The following WASHC5 variants were observed in gnomAD, a reference collection of about 807,000 sequenced individuals.
WASHC5 encodes WASH complex subunit strumpellin.
A neutral mutation model predicts 150.4 loss-of-function variants in WASHC5; 101 were observed. The observed-to-expected ratio is 0.67, with a 90% CI of 0.57 to 0.79. The LOEUF is 0.79. Ranked by LOEUF, WASHC5 falls within the 30% of genes least tolerant of loss-of-function variation. The pLI is 0.00. For missense variants in WASHC5, 1,195 were observed against 1,396.3 expected (o/e 0.86, Z 2.30); for synonymous variants, 467 against 491.2 (o/e 0.95, Z 0.65).
intron 26 of WASHC5, among the ~76,000 whole-genome samples, chr8:125,034,493 ACT>A (rs924764936): frequency 1.3e-5 from 2 of 151,460 alleles, no homozygotes; most frequent in Non-Finnish European, 2.9e-5. Flanking sequence ...ACAGAGTGAG[ACT>A]CTGTTTCAGA....
intron 27 of WASHC5, among the ~76,000 whole-genome samples, chr8:125,030,719 G>GACGTGTAAT: frequency 7.2e-6 from 1 of 139,428 alleles, no homozygotes; most frequent in African/African-American, 2.6e-5. Context: ...CCAGAATGAA[G>GACGTGTAAT]ACGTGTAATA....
In WASHC5 at chr8:125,044,113, G is replaced by T; in HGVS notation, c.2668-19C>A. ...GGAAATTCTAAAAACAAGAAGGCAC[G>T]GTCAAAGAACCAAACATAATGAATT... On this transcript the variant is annotated intron_variant, in intron 21 of 28. Transcript: ENST00000318410. The T allele has an allele frequency of 6.7e-7, 1 of 1,486,886 alleles. No individual in the cohort carries two copies. The highest frequency in any genetic ancestry group is 9.4e-7 in the Non-Finnish European group (1 of 1,064,908). 92.1% of individuals were successfully genotyped at this position (1,486,886 alleles called of 1,614,324 possible). A position where few individuals can be genotyped will look rare whatever the true frequency, so the allele number is the denominator to read the frequency against.
chr8:125,075,146 C>T, intron 7 of WASHC5, 35 bp from the exon 8 acceptor site: 4 of 1,285,288 alleles, frequency 3.1e-6, no homozygotes, highest in Non-Finnish European at 4.5e-6. Flanking sequence ...TGTTAAATTC[C>T]TACTCACTTC....
Position 125,024,405 on chromosome 8 carries a change from T to C in WASHC5, c.*212A>G. The C allele has an allele frequency of 1.6e-6, 1 of 609,238 alleles. No individual in the cohort carries two copies. Among genetic ancestry groups the C allele is most frequent in the East Asian group, 2.9e-5 (1 of 34,920 alleles). The allele number at this position is 609,238 out of a possible 1,614,324, so 37.7% of individuals were successfully genotyped here. ...AAAAATGTGTTCTGCTTTTATCTGA[T>C]ATAAATTGCATGTAATACCATGATT... is the stretch of plus-strand genomic sequence containing the variant. On this transcript the variant is annotated 3_prime_UTR_variant, in exon 29 of 29. Transcript: ENST00000318410.
chr8:125,051,013 C>T (rs1055776695), intron 17 of WASHC5, among the ~76,000 whole-genome samples: 1 of 152,080 alleles, frequency 6.6e-6, no homozygotes, highest in Admixed American at 6.5e-5. Context: ...ATTAATGGCC[C>T]CTCTTTTTGG....
intron 12 of WASHC5, among the ~76,000 whole-genome samples, chr8:125,060,051 G>A (rs966908213): frequency 2.0e-4 from 31 of 152,116 alleles, no homozygotes; most frequent in Non-Finnish European, 3.7e-4. Flanking sequence ...TGTTTATAGC[G>A]ACCATCCTAA....
chr8:125,033,992 A>AT (rs1394005853), intron 26 of WASHC5, among the ~76,000 whole-genome samples: 1 of 152,224 alleles, frequency 6.6e-6, no homozygotes, highest in African/African-American at 2.4e-5. Context: ...TTCTCAAAAC[A>AT]TATCTAATAA....
At chr8:125,042,717 T>C (rs1261487220) in intron 23 of WASHC5, among the ~76,000 whole-genome samples, 1 of 151,890 alleles carries the variant, frequency 6.6e-6, no homozygotes, top group Admixed American at 6.6e-5. Context: ...TCCTAAAGGG[T>C]TTTCCAGCAA....
chr8:125,037,525 G>A (rs1208441438), intron 25 of WASHC5, among the ~76,000 whole-genome samples, 192 bp from the exon 26 acceptor site: 1 of 152,154 alleles, frequency 6.6e-6, no homozygotes, highest in Non-Finnish European at 1.5e-5. Context: ...ATAAATACCT[G>A]TATCATAATT....
intron 26 of WASHC5, among the ~76,000 whole-genome samples, chr8:125,035,973 GA>G (rs752874542): frequency 7.2e-5 from 11 of 152,184 alleles, no homozygotes; most frequent in Non-Finnish European, 1.5e-4. Flanking sequence ...GAAGGCAGAG[GA>G]AACACTTTGT....
At chr8:125,064,389 T>A (rs6993780) in intron 10 of WASHC5, among the ~76,000 whole-genome samples, 2,430 of 138,880 alleles carry the variant, frequency 0.017, 26 homozygotes, top group African/African-American at 0.019. Flanking sequence ...TTATTTATTT[T>A]TTTTTTTTTT....
chr8:125,030,637 TAAAAAAAA>T (rs71295816), intron 27 of WASHC5, among the ~76,000 whole-genome samples: 1 of 52,788 alleles, frequency 1.9e-5, no homozygotes, highest in Non-Finnish European at 3.6e-5. Context: ...CTCTTTCTCA[TAAAAAAAA>T]AAAAAAAAAA....
chr8:125,047,063 A>G (rs2130035752), intron 20 of WASHC5, 144 bp downstream of exon 20: 2 of 951,788 alleles, frequency 2.1e-6, no homozygotes, highest in East Asian at 5.0e-5. Flanking sequence ...CGCAGGGGTT[A>G]GGGACCCTTG....
intron 11 of WASHC5, among the ~76,000 whole-genome samples, chr8:125,061,595 C>G (rs989362692): frequency 6.6e-6 from 1 of 152,126 alleles, no homozygotes; most frequent in African/African-American, 2.4e-5. Flanking sequence ...AAGGCAGACA[C>G]AGGCAGAGGC....
intron 5 of WASHC5, among the ~76,000 whole-genome samples, chr8:125,080,130 C>T (rs1344257870): frequency 6.6e-6 from 1 of 152,120 alleles, no homozygotes; most frequent in East Asian, 1.9e-4. Context: ...CTGCTATTTG[C>T]TGTAAGGATC....
intron 8 of WASHC5, 108 bp downstream of exon 8, chr8:125,074,890 T>A: frequency 1.3e-6 from 1 of 761,154 alleles, no homozygotes; most frequent in South Asian, 1.4e-5. Context: ...TGCATTAAAT[T>A]ATCTAAGTGA....
intron 12 of WASHC5, among the ~76,000 whole-genome samples, chr8:125,060,608 T>G (rs2130104770): frequency 6.6e-6 from 1 of 152,292 alleles, no homozygotes; most frequent in Admixed American, 6.5e-5. Flanking sequence ...ACAATCATTT[T>G]TGAGTTGAAA....
chr8:125,047,592 C>A (rs551308102), intron 19 of WASHC5, among the ~76,000 whole-genome samples: 14 of 152,164 alleles, frequency 9.2e-5, no homozygotes, highest in African/African-American at 3.1e-4. Context: ...CACCCGCCAC[C>A]ATGCCCGGCT....
At chr8:125,039,589 A>G (rs997953865) in intron 24 of WASHC5, among the ~76,000 whole-genome samples, 3 of 152,134 alleles carry the variant, frequency 2.0e-5, no homozygotes, top group Admixed American at 1.3e-4. Flanking sequence ...CATTAGAGAG[A>G]GTGAGTGAGA....
Sources: allele counts gnomAD v4.1 joint callset (sites outside exome capture counted in the v4.1 genomes callset), GRCh38; gene constraint gnomAD v4.1.1; transcripts MANE v1.5; gene names NCBI Gene and HGNC (gene_info 2026-07-23, HGNC 2026-07-21).